FER1L6: variants seen among roughly 807,000 people sequenced by gnomAD.
FER1L6 encodes the protein fer-1 like family member 6.
In FER1L6, 177 loss-of-function variants were observed where a neutral mutation model predicts 219.2. The ratio of observed to expected loss-of-function variants is 0.81; its 90% confidence interval spans 0.71 to 0.91. The LOEUF is 0.91. Ranked by LOEUF, FER1L6 falls within the 40% of genes least tolerant of loss-of-function variation. FER1L6 has a pLI of 0.00. For synonymous variants in FER1L6, 768 were observed against 824.3 expected, an observed-to-expected ratio of 0.93 and a Z score of 1.17; for missense variants, 2,153 against 2,259.9, an observed-to-expected ratio of 0.95 and a Z score of 0.96.
intron 11 of FER1L6, among the ~76,000 whole-genome samples, chr8:123,981,758 C>A (rs1816336258): frequency 6.6e-6 from 1 of 152,096 alleles, no homozygotes; most frequent in South Asian, 2.1e-4. Context: ...AGTTATGGCT[C>A]CGATACTAAC....
Position 124,071,576 on chromosome 8 carries a change from A to T in FER1L6, c.4037A>T (p.Gln1346Leu). Residue 1346 changes from glutamine (Q) to leucine (L), a missense_variant, in exon 31 of 41, where the codon CAA (glutamine) becomes CTA (leucine). Physicochemically the swap from Gln to Leu is moderately radical, Grantham distance 113. Transcript: ENST00000522917. ...SEDSGQLRIQ[Q>L]GIPPNHPVTV... Reference sequence around the variant, plus strand: ...GACAGCGGGCAGCTGAGAATCCAGCAAGGGATTCCGCCCAATCACCCTGTC... The same window carrying T: ...GACAGCGGGCAGCTGAGAATCCAGCTAGGGATTCCGCCCAATCACCCTGTC... 6.2e-7 allele frequency: 1 copy of T among 1,614,112 alleles called. No individual in the cohort carries two copies. The highest frequency in any genetic ancestry group is 8.5e-7 in the Non-Finnish European group (1 of 1,179,974).
chr8:123,948,044 G>C (rs1202927649), intron 1 of FER1L6, among the ~76,000 whole-genome samples: 1 of 152,176 alleles, frequency 6.6e-6, no homozygotes, highest in African/African-American at 2.4e-5. Context: ...CTATAGTGTG[G>C]AGAACCCTAA....
chr8:123,930,409 A>G (rs1813725532), intron 1 of FER1L6, among the ~76,000 whole-genome samples: 1 of 152,128 alleles, frequency 6.6e-6, no homozygotes, highest in African/African-American at 2.4e-5. Context: ...TTTGTGTTAT[A>G]TGAATAAATG....
intron 1 of FER1L6, among the ~76,000 whole-genome samples, chr8:123,936,946 C>A (rs1814031039): frequency 6.6e-6 from 1 of 152,108 alleles, no homozygotes; most frequent in Admixed American, 6.5e-5. Flanking sequence ...GCATTTGTTG[C>A]CCAGACTGGA....
Position 124,045,815 on chromosome 8 carries a change from A to G in FER1L6, c.2638A>G (p.Asn880Asp). 1 of 1,614,104 alleles carries G rather than the reference A, an allele frequency of 6.2e-7. No individual in the cohort carries two copies. Among genetic ancestry groups the G allele is most frequent in the South Asian group, 1.1e-5 (1 of 91,084 alleles). ...SPTWNQMLLF[N>D]DLVLHGDVKE... is the part of the protein sequence containing the mutation. ...GACCTGGAACCAGATGCTGCTGTTCAATGATTTGGTGCTGCATGGAGATGT... is the reference window on the plus strand; with the variant it reads ...GACCTGGAACCAGATGCTGCTGTTCGATGATTTGGTGCTGCATGGAGATGT... The change falls in exon 21 of 41, where the codon AAT becomes GAT. Residue 880 changes from asparagine to aspartate, a missense_variant. Asn to Asp is a conservative substitution (Grantham distance 23). Coordinates refer to ENST00000522917, the MANE Select transcript of FER1L6 (RefSeq NM_001039112.2).
At chr8:123,888,784 G>T (rs770791015) in intron 1 of FER1L6, among the ~76,000 whole-genome samples, 18 of 152,182 alleles carry the variant, frequency 1.2e-4, no homozygotes, top group Non-Finnish European at 1.9e-4. Flanking sequence ...CAAGGCAAAA[G>T]CTATTGGATG....
At chr8:124,081,663 A>G (rs996300346) in intron 32 of FER1L6, among the ~76,000 whole-genome samples, 4 of 149,794 alleles carry the variant, frequency 2.7e-5, no homozygotes, top group Non-Finnish European at 1.5e-5. Flanking sequence ...ATAGTCTTGT[A>G]GAGACAACGC....
At chr8:124,044,156 T>G (rs900311751) in intron 20 of FER1L6, among the ~76,000 whole-genome samples, 1 of 152,246 alleles carries the variant, frequency 6.6e-6, no homozygotes, top group Non-Finnish European at 1.5e-5. Flanking sequence ...CGCTGTCAAG[T>G]GCATGCTACA....
rs1450758726 is a variant in FER1L6, at chr8:123,940,830, T to C, written c.-7-15162T>C. On this transcript the variant is annotated intron_variant, in intron 1 of 40. Transcript: ENST00000522917. ...GCTTTAAGTTTTACCAAATCATCCTTTCTCTGCTTTGGGAACATCCTAGTC... is the reference window on the plus strand; with the variant it reads ...GCTTTAAGTTTTACCAAATCATCCTCTCTCTGCTTTGGGAACATCCTAGTC... Among the ~76,000 whole-genome samples the C allele has an allele frequency of 5.9e-5, 9 of 152,318 alleles. No homozygotes were observed. In the East Asian group the frequency reaches 1.5e-3, roughly 26 times the overall value.
At chr8:124,097,109 T>C (rs1822338119) in intron 35 of FER1L6, among the ~76,000 whole-genome samples, 162 bp from the exon 36 acceptor site, 1 of 150,148 alleles carries the variant, frequency 6.7e-6, no homozygotes, top group Non-Finnish European at 1.5e-5. Flanking sequence ...ACATACATAC[T>C]TTTTTTGTCA....
chr8:123,915,746 A>G (rs1805252229), intron 1 of FER1L6, among the ~76,000 whole-genome samples: 1 of 152,186 alleles, frequency 6.6e-6, no homozygotes, highest in Admixed American at 6.5e-5. Flanking sequence ...AGGGAGAGGC[A>G]CTTAATCCAT....
At chr8:123,969,028 G>A (rs572682199) in intron 5 of FER1L6, among the ~76,000 whole-genome samples, 1 of 152,262 alleles carries the variant, frequency 6.6e-6, no homozygotes, top group South Asian at 2.1e-4. Context: ...GCATCTTATA[G>A]TCTTACAACC....
chr8:123,953,081 T>C (rs1007039856), intron 1 of FER1L6, among the ~76,000 whole-genome samples: 5 of 152,208 alleles, frequency 3.3e-5, no homozygotes, highest in Non-Finnish European at 7.3e-5. Context: ...AATCTGCCAG[T>C]GGCACCATCA....
chr8:123,885,149 G>A (rs1817178224), intron 1 of FER1L6, among the ~76,000 whole-genome samples: 1 of 152,288 alleles, frequency 6.6e-6, no homozygotes, highest in Non-Finnish European at 1.5e-5. Flanking sequence ...GCCTTCAGAG[G>A]AAACACAGCC....
At chr8:123,916,742 T>G (rs747437352) in intron 1 of FER1L6, among the ~76,000 whole-genome samples, 3 of 152,318 alleles carry the variant, frequency 2.0e-5, no homozygotes, top group Non-Finnish European at 2.9e-5. Context: ...AATACTTCCA[T>G]AGCAGTAAGT....
At chr8:123,938,926 A>C (rs1814113611) in intron 1 of FER1L6, among the ~76,000 whole-genome samples, 1 of 152,228 alleles carries the variant, frequency 6.6e-6, no homozygotes, top group Non-Finnish European at 1.5e-5. Context: ...CAAAGCTTTA[A>C]TATAATAGAT....
At chr8:123,906,323 A>G (rs1474909082) in intron 1 of FER1L6, among the ~76,000 whole-genome samples, 2 of 152,130 alleles carry the variant, frequency 1.3e-5, no homozygotes, top group African/African-American at 4.8e-5. Context: ...GCTCTGTTCT[A>G]GAACGTGGGC....
rs772338828 is a variant in FER1L6 at position 124,023,509 on chromosome 8, C to A, written c.2199C>A (p.Ala733=). ...MLSNNRRVAY[A]RIASKDLLYS... ...GCAACAACAGGAGAGTGGCCTATGCCCGCATCGCCTCCAAAGACCTCCTCT... is the reference window on the plus strand; with the variant it reads ...GCAACAACAGGAGAGTGGCCTATGCACGCATCGCCTCCAAAGACCTCCTCT... Residue 733 remains alanine (A), a synonymous_variant, in exon 18 of 41, where the codon GCC becomes GCA. Coordinates refer to ENST00000522917, the MANE Select transcript of FER1L6 (RefSeq NM_001039112.2). 3.1e-6 allele frequency: 5 copies of A among 1,614,094 alleles called. No homozygotes were observed. In the South Asian group the frequency reaches 4.4e-5, roughly 14 times the overall value.
chr8:123,971,308 A>G (rs895132941), intron 6 of FER1L6, among the ~76,000 whole-genome samples: 3 of 152,194 alleles, frequency 2.0e-5, no homozygotes, highest in Non-Finnish European at 4.4e-5. Flanking sequence ...TCACCCAGAG[A>G]CAAACAATCT....
Sources: allele counts gnomAD v4.1 joint callset (sites outside exome capture counted in the v4.1 genomes callset), GRCh38; gene constraint gnomAD v4.1.1; transcripts MANE v1.5; gene names NCBI Gene and HGNC (gene_info 2026-07-23, HGNC 2026-07-21).